The following PITPNM2 variants were observed in gnomAD, a reference collection of about 807,000 sequenced individuals.
PITPNM2 encodes the protein membrane-associated phosphatidylinositol transfer protein 2.
PITPNM2 carries 35 observed loss-of-function variants against 132.2 expected under a neutral mutation model. That is an observed-to-expected ratio of 0.26 (90% CI 0.20 to 0.35). The LOEUF (loss-of-function observed/expected upper bound fraction) is 0.35, where lower values mean the gene tolerates loss of function less well. Among genes scored for constraint, PITPNM2 ranks in the 10% least tolerant of loss-of-function variants. The pLI, the probability that PITPNM2 is intolerant of heterozygous loss-of-function variation, is 1.00. For synonymous variants in PITPNM2, 738 were observed against 799.2 expected (o/e 0.92, Z 1.29); for missense variants, 1,332 against 1,912.0 (o/e 0.70, Z 5.66).
chr12:123,040,616 A>G (rs1054767077), intron 2 of PITPNM2, among the ~76,000 whole-genome samples: 4 of 152,190 alleles, frequency 2.6e-5, no homozygotes, highest in Non-Finnish European at 4.4e-5. Flanking sequence ...GAAAATTGAT[A>G]CATTTGTCTG....
Position 122,987,589 on chromosome 12 carries a change from T to C in PITPNM2, c.3185A>G (p.Asn1062Ser). 6.2e-7 allele frequency: 1 copy of C among 1,613,928 alleles called. No individual in the cohort carries two copies. Among genetic ancestry groups the C allele is most frequent in the Non-Finnish European group, 8.5e-7 (1 of 1,180,010 alleles). ...GATGGTGTAGGAGACACGCCCACTG[T>C]TGTTGGTCACCAGCGTATCCAGGTA... ...WLYLDTLVTN[N>S]SGRVSYTIPE... Residue 1062 changes from asparagine to serine, a missense_variant, in exon 22 of 26, where the codon AAC (asparagine) becomes AGC (serine). Around this residue, in one of 6 missense-constraint regions of PITPNM2, gnomAD observed 251 missense variants for 472.0 expected, o/e 0.53. Transcript: ENST00000320201.
At chr12:123,114,678 A>G (rs1372422089) in intron 1 of PITPNM2, among the ~76,000 whole-genome samples, 1 of 152,048 alleles carries the variant, frequency 6.6e-6, no homozygotes, top group Admixed American at 6.6e-5. Flanking sequence ...GCCTCACTCA[A>G]GCAAGCTGCT....
At chr12:122,997,719 G>A (rs2038492337) in intron 10 of PITPNM2, 147 bp from the exon 11 acceptor site, 19 of 1,162,512 alleles carry the variant, frequency 1.6e-5, no homozygotes, top group Non-Finnish European at 2.1e-5. Flanking sequence ...CATGCCTGGA[G>A]CCTGGGGTTT....
chr12:123,121,694 C>T (rs2043035314), intron 1 of PITPNM2, among the ~76,000 whole-genome samples: 1 of 151,800 alleles, frequency 6.6e-6, no homozygotes, highest in South Asian at 2.1e-4. Flanking sequence ...TACAGGCACG[C>T]ACCACTACAT....
intron 5 of PITPNM2, among the ~76,000 whole-genome samples, chr12:123,012,140 G>A (rs1566246648): frequency 6.6e-6 from 1 of 152,228 alleles, no homozygotes. Flanking sequence ...TTAGTATTGG[G>A]AGATTTCTCA....
At chr12:123,056,051 C>A (rs1306040696) in intron 2 of PITPNM2, among the ~76,000 whole-genome samples, 1 of 152,210 alleles carries the variant, frequency 6.6e-6, no homozygotes, top group Non-Finnish European at 1.5e-5. Flanking sequence ...CTCACCTCTG[C>A]TCCACCTGGA....
rs189352221 is a variant in PITPNM2, at chr12:123,097,815, C to T, written c.-96+12570G>A. On this transcript the variant is annotated intron_variant, in intron 2 of 25. Coordinates refer to ENST00000320201, the MANE Select transcript of PITPNM2 (RefSeq NM_020845.3). The surrounding 1 kb of genome is among the most constrained non-coding windows in gnomAD (Gnocchi z 4.7). ...AGGTCCCCAGCTCCTGGGCTGACCT[C>T]GCCCCTACATCTGCCACTTGGCAGT... Among the ~76,000 whole-genome samples the T allele has an allele frequency of 1.3e-5, 2 of 152,362 alleles. No individual in the cohort carries two copies. Among genetic ancestry groups the T allele is most frequent in the African/African-American group, 4.8e-5 (2 of 41,596 alleles).
rs1168896461 is a variant in PITPNM2, at chr12:123,036,328, G to C, written c.-95-1643C>G. Among the ~76,000 whole-genome samples, 1 of 152,166 alleles carries C rather than the reference G, an allele frequency of 6.6e-6. No individual in the cohort carries two copies. Among genetic ancestry groups the C allele is most frequent in the Non-Finnish European group, 1.5e-5 (1 of 68,034 alleles). ...AGAGAGAGGAAAGGTCTGATAAAGG[G>C]GCTCCATCCCTTGTGCTAGCCTAAA... is the stretch of plus-strand genomic sequence containing the variant. On this transcript the variant is annotated intron_variant, in intron 2 of 25. Transcript: ENST00000320201. The surrounding 1 kb of genome is among the most constrained non-coding windows in gnomAD (Gnocchi z 4.1).
chr12:123,134,281 T>C (rs2043328758), intron 1 of PITPNM2, among the ~76,000 whole-genome samples: 1 of 152,126 alleles, frequency 6.6e-6, no homozygotes, highest in African/African-American at 2.4e-5. Context: ...GCCAAGATGG[T>C]CGCGATCTTC....
rs751198102 is a variant in PITPNM2, at chr12:122,991,890, C to T, written c.2404+609G>A. On this transcript the variant is annotated intron_variant, in intron 16 of 25. Coordinates refer to ENST00000320201, the MANE Select transcript of PITPNM2 (RefSeq NM_020845.3). The stretch of plus-strand genomic sequence containing the variant: ...AGGACCAGCTCAGGGTTTCTCTGCA[C>T]GGTCTCGACTGGAGGCAGACGGGGA... 9 of 1,311,822 alleles carry T rather than the reference C, an allele frequency of 6.9e-6. No individual in the cohort carries two copies. In the East Asian group the frequency reaches 1.7e-4, roughly 24 times the overall value. The allele number at this position is 1,311,822 out of a possible 1,614,324, so 81.3% of individuals were successfully genotyped here.
At chr12:123,012,326 G>A (rs2039242966) in intron 5 of PITPNM2, among the ~76,000 whole-genome samples, 2 of 152,200 alleles carry the variant, frequency 1.3e-5, no homozygotes, top group South Asian at 2.1e-4. Context: ...ATGGATGCCC[G>A]AGCCCATATG....
rs553010825 is a variant in PITPNM2 at position 123,062,048 on chromosome 12, C to A, written c.-95-27363G>T. 2.0e-5 allele frequency among the ~76,000 whole-genome samples: 3 copies of A among 152,282 alleles called. No individual in the cohort carries two copies. The East Asian group carries it at 5.8e-4, about 29-fold the overall frequency. ...CTGAGGGGCCCCTGCTCCTCCTCCT[C>A]CTTCTCCCTGCCAAGTAGAGCAGCC... On this transcript the variant is annotated intron_variant, in intron 2 of 25. Transcript: ENST00000320201.
At chr12:123,145,027 A>G (rs1020226912) in intron 1 of PITPNM2, among the ~76,000 whole-genome samples, 3 of 152,074 alleles carry the variant, frequency 2.0e-5, no homozygotes, top group Non-Finnish European at 4.4e-5. Flanking sequence ...GAACATAACT[A>G]TGTTAGCCAG....
chr12:122,999,366 G>A (rs943376562), intron 10 of PITPNM2, among the ~76,000 whole-genome samples: 2 of 152,176 alleles, frequency 1.3e-5, no homozygotes, highest in Non-Finnish European at 2.9e-5. Context: ...AGGGCAGAGG[G>A]GGCCACCAGC....
chr12:123,071,757 G>T (rs2041627802), intron 2 of PITPNM2, among the ~76,000 whole-genome samples: 1 of 152,198 alleles, frequency 6.6e-6, no homozygotes, highest in South Asian at 2.1e-4. Context: ...GCCCATGGGG[G>T]GACCATCACT....
chr12:123,003,558 A>C (rs1176261399), intron 8 of PITPNM2, among the ~76,000 whole-genome samples: 1 of 152,152 alleles, frequency 6.6e-6, no homozygotes, highest in Non-Finnish European at 1.5e-5. Flanking sequence ...CTGCCTGGAC[A>C]CTGACTCCCC....
At position 123,058,330 on chromosome 12, in the gene PITPNM2, C is replaced by T. The variant is rs960703580; in HGVS notation, c.-95-23645G>A. Among the ~76,000 whole-genome samples the T allele has an allele frequency of 2.0e-5, 3 of 152,192 alleles. No homozygotes were observed. The highest frequency in any genetic ancestry group is 4.4e-5 in the Non-Finnish European group (3 of 68,036). The stretch of plus-strand genomic sequence containing the variant: ...TGTCTCCCTCTAATTTGCCTTCTGC[C>T]TCCATCCCTTTTGATTCTGGCCCTC... On this transcript the variant is annotated intron_variant, in intron 2 of 25. Coordinates refer to ENST00000320201, the MANE Select transcript of PITPNM2 (RefSeq NM_020845.3). The surrounding 1 kb of genome is among the most constrained non-coding windows in gnomAD (Gnocchi z 4.0).
chr12:123,101,301 G>T, intron 2 of PITPNM2, among the ~76,000 whole-genome samples: 1 of 152,280 alleles, frequency 6.6e-6, no homozygotes, highest in East Asian at 1.9e-4. Flanking sequence ...GCAGGACAAG[G>T]TCCCTCCTGC....
At chr12:122,997,021 C>T in intron 11 of PITPNM2, 111 bp from the exon 12 acceptor site, 1 of 1,155,838 alleles carries the variant, frequency 8.7e-7, no homozygotes, top group South Asian at 1.6e-5. Context: ...TAGTGAGGAC[C>T]CTTCCCGGCC....
Sources: allele counts gnomAD v4.1 joint callset (sites outside exome capture counted in the v4.1 genomes callset), GRCh38; gene constraint gnomAD v4.1.1; regional missense constraint gnomAD v4.1.1; non-coding constraint Gnocchi (gnomAD v3.1); transcripts MANE v1.5; gene names NCBI Gene and HGNC (gene_info 2026-07-23, HGNC 2026-07-21).